Variants in ABCC5 observed in about 807,000 individuals in gnomAD.
The protein encoded by ABCC5 is ATP binding cassette subfamily C member 5.
ABCC5 carries 61 observed loss-of-function variants against 160.9 expected under a neutral mutation model. The ratio of observed to expected loss-of-function variants is 0.38; its 90% CI spans 0.31 to 0.47. ABCC5 has a LOEUF of 0.47. ABCC5 is among the 20% of genes least tolerant of loss of function. The pLI is 0.99. For synonymous variants in ABCC5, 666 were observed against 700.6 expected (o/e 0.95, Z 0.78); for missense variants, 1,308 against 1,813.3 (o/e 0.72, Z 5.06).
chr3:183,955,640 G>A lies in ABCC5; in HGVS notation c.2483-2370C>T, dbSNP rs975206623. The stretch of plus-strand genomic sequence containing the variant: ...CTGCAGATCTGTTACATGCAGATCC[G>A]TGTGTATATCACATCGGTTACATGC... On this transcript the variant is annotated intron_variant, in intron 17 of 29. Coordinates refer to ENST00000334444, the MANE Select transcript of ABCC5 (RefSeq NM_005688.4). 6.6e-5 allele frequency among the ~76,000 whole-genome samples: 10 copies of A among 152,058 alleles called. 1 individual carries two copies. The highest frequency in any genetic ancestry group is 1.9e-4 in the African/African-American group (8 of 41,406).
At chr3:183,978,757 C>T in intron 8 of ABCC5, 106 bp from the exon 9 acceptor site, 1 of 1,236,732 alleles carries the variant, frequency 8.1e-7, no homozygotes, top group East Asian at 2.4e-5. Context: ...CACCCTTCAA[C>T]ACCTATGACT....
At chr3:183,994,992 C>T (rs777319099) in intron 2 of ABCC5, among the ~76,000 whole-genome samples, 25 of 151,622 alleles carry the variant, frequency 1.6e-4, no homozygotes, top group Admixed American at 2.0e-4. Flanking sequence ...GCTGGGACTA[C>T]GGGCACGTGC....
Position 183,982,266 on chromosome 3 carries a change from C to T in ABCC5, c.999+185G>A, listed in dbSNP as rs889982943. ...AGACTCTCTTTCATGCAAGTGACACCTTACCTCCTCTCAAGTCAAAATTCT... is the reference window on the plus strand; with the variant it reads ...AGACTCTCTTTCATGCAAGTGACACTTTACCTCCTCTCAAGTCAAAATTCT... On this transcript the variant is annotated intron_variant, in intron 7 of 29. Coordinates refer to ENST00000334444, the MANE Select transcript of ABCC5 (RefSeq NM_005688.4). This position sits in a 1 kb window ranked among gnomAD's most constrained non-coding sequence, Gnocchi z 5.2. 2.0e-5 allele frequency among the ~76,000 whole-genome samples: 3 copies of T among 152,146 alleles called. No individual in the cohort carries two copies. Among genetic ancestry groups the T allele is most frequent in the African/African-American group, 7.2e-5 (3 of 41,420 alleles).
At chr3:183,978,327 T>C (rs4148577) in intron 9 of ABCC5, among the ~76,000 whole-genome samples, 176 bp downstream of exon 9, 30,438 of 151,838 alleles carry the variant, frequency 0.2, 3,188 homozygotes, top group East Asian at 0.43. Context: ...TTTTTTTTGT[T>C]TGTTTGTTTG....
intron 26 of ABCC5, among the ~76,000 whole-genome samples, chr3:183,933,915 A>G (rs1713424761): frequency 6.6e-6 from 1 of 152,196 alleles, no homozygotes; most frequent in Non-Finnish European, 1.5e-5. Flanking sequence ...CGCGGTTTCC[A>G]GATTCAGAGT....
chr3:183,985,834 T>G (rs139401206), intron 5 of ABCC5: 1 of 183,770 alleles, frequency 5.4e-6, no homozygotes, highest in Non-Finnish European at 1.2e-5. Context: ...GGTGTATAAA[T>G]GTCAGCATCA....
intron 26 of ABCC5, among the ~76,000 whole-genome samples, chr3:183,933,556 C>G (rs1713390032): frequency 6.6e-6 from 1 of 152,160 alleles, no homozygotes; most frequent in Admixed American, 6.5e-5. Context: ...GGCCTCTCTT[C>G]TTGGAGGCAA....
chr3:183,975,388 C>A (rs998215559), intron 10 of ABCC5, among the ~76,000 whole-genome samples: 4 of 152,020 alleles, frequency 2.6e-5, no homozygotes, highest in African/African-American at 7.2e-5. Flanking sequence ...GTTGCCCAGG[C>A]TGGAGTGCAG....
chr3:183,921,207 G>A lies in ABCC5; in HGVS notation c.*93C>T. 1 of 652,740 alleles carries A rather than the reference G, an allele frequency of 1.5e-6. No individual in the cohort carries two copies. The highest frequency in any genetic ancestry group is 2.7e-6 in the Non-Finnish European group (1 of 369,288). 40.4% of individuals were successfully genotyped at this position (652,740 alleles called of 1,614,324 possible). Reference sequence around the variant, plus strand: ...TGTGCGAAAGATAAAATCGAGAAAGGCAAGGTTTCGGTAGGAGGACGCGAT... The same window carrying A: ...TGTGCGAAAGATAAAATCGAGAAAGACAAGGTTTCGGTAGGAGGACGCGAT... On this transcript the variant is annotated 3_prime_UTR_variant, in exon 30 of 30. Coordinates refer to ENST00000334444, the MANE Select transcript of ABCC5 (RefSeq NM_005688.4). This position sits in a 1 kb window ranked among gnomAD's most constrained non-coding sequence, Gnocchi z 4.1.
intron 11 of ABCC5, among the ~76,000 whole-genome samples, chr3:183,969,348 C>T (rs1008468271): frequency 3.9e-5 from 6 of 152,192 alleles, no homozygotes; most frequent in African/African-American, 1.2e-4. Context: ...TGTATTAGAG[C>T]TGCCTCAATA....
intron 14 of ABCC5, 58 bp downstream of exon 14, chr3:183,965,127 G>C (rs1577547409): frequency 8.9e-6 from 14 of 1,575,030 alleles, no homozygotes; most frequent in Non-Finnish European, 1.2e-5. Context: ...CCCAGGAGCA[G>C]CTCTGGCCCA....
intron 17 of ABCC5, among the ~76,000 whole-genome samples, chr3:183,957,203 T>TGG (rs1560005523): frequency 2.7e-5 from 2 of 73,302 alleles, no homozygotes; most frequent in African/African-American, 5.0e-5. Flanking sequence ...GTTACATGCT[T>TGG]ATCCGTGTGT....
At chr3:183,965,599 A>G in intron 12 of ABCC5, 98 bp from the exon 13 acceptor site, 1 of 1,507,068 alleles carries the variant, frequency 6.6e-7, no homozygotes, top group South Asian at 1.2e-5. Flanking sequence ...AGCTCTGGTA[A>G]TTTCCCGGGA....
At chr3:183,992,266 C>A (rs550565150) in intron 2 of ABCC5, among the ~76,000 whole-genome samples, 3 of 152,300 alleles carry the variant, frequency 2.0e-5, no homozygotes, top group African/African-American at 7.2e-5. Flanking sequence ...ATCTCAACTA[C>A]TCAGGAGGCT....
intron 28 of ABCC5, 149 bp downstream of exon 28, chr3:183,927,181 G>C (rs117230642): frequency 1.3e-6 from 1 of 745,758 alleles, no homozygotes; most frequent in East Asian, 2.9e-5. Context: ...TACCCAAATT[G>C]TGTCAGGGTT....
At chr3:184,014,471 A>G in intron 1 of ABCC5, 24 bp from the exon 2 acceptor site, 1 of 1,497,742 alleles carries the variant, frequency 6.7e-7, no homozygotes, top group East Asian at 2.4e-5. Flanking sequence ...TTCATCAAGA[A>G]ATAGATTATT....
intron 26 of ABCC5, among the ~76,000 whole-genome samples, chr3:183,931,737 G>A (rs570117419): frequency 6.6e-6 from 1 of 152,304 alleles, no homozygotes; most frequent in East Asian, 1.9e-4. Context: ...GCATACACTC[G>A]TAGGTGGTAC....
chr3:183,977,645 G>C, intron 9 of ABCC5, 21 bp from the exon 10 acceptor site: 1 of 1,577,426 alleles, frequency 6.3e-7, no homozygotes, highest in Non-Finnish European at 8.7e-7. Flanking sequence ...GAGAAGAGAA[G>C]AAACTGTGCC....
chr3:183,961,645 C>A lies in ABCC5; in HGVS notation c.2245G>T (p.Asp749Tyr), dbSNP rs775190577. 1.9e-6 allele frequency: 3 copies of A among 1,614,206 alleles called. No individual in the cohort carries two copies. In the South Asian group the frequency reaches 3.3e-5, roughly 18 times the overall value. ...TTCATGAAGATCACTTCATCACAGTCAACCAGGTACTGAAGGCAAAGGCAG... is the reference window on the plus strand; with the variant it reads ...TTCATGAAGATCACTTCATCACAGTAAACCAGGTACTGAAGGCAAAGGCAG... The part of the protein sequence containing the change: ...FVTHQLQYLV[D>Y]CDEVIFMKEG... Residue 749 changes from aspartate to tyrosine, a missense_variant, in exon 16 of 30, where the codon GAC becomes TAC. Around this residue, in one of 3 missense-constraint regions of ABCC5, gnomAD observed 1,142 missense variants for 1,527.1 expected, o/e 0.75. Coordinates refer to ENST00000334444, the MANE Select transcript of ABCC5 (RefSeq NM_005688.4).
Sources: gnomAD v4.1 joint callset for allele counts (sites outside exome capture counted in the v4.1 genomes callset) on GRCh38, gnomAD v4.1.1 for gene constraint, gnomAD v4.1.1 regional missense constraint, Gnocchi (gnomAD v3.1) non-coding constraint, MANE v1.5 for transcripts, NCBI Gene and HGNC (gene_info 2026-07-23, HGNC 2026-07-21) for gene names.